Variants in GALNT9 observed in about 807,000 individuals in gnomAD.
The protein encoded by GALNT9 is polypeptide N-acetylgalactosaminyltransferase 9, also known as GalNAc transferase 9.
A neutral mutation model predicts 63.1 loss-of-function variants in GALNT9; 47 were observed. The observed-to-expected ratio is 0.75, with a 90% CI of 0.59 to 0.95. The LOEUF is 0.95. GALNT9 is among the 40% of genes least tolerant of loss of function. The pLI is 0.00. For synonymous variants in GALNT9, 396 were observed against 365.7 expected, an observed-to-expected ratio of 1.08 and a Z score of -0.94; for missense variants, 829 against 874.8, an observed-to-expected ratio of 0.95 and a Z score of 0.66.
chr12:132,303,078 T>C (rs1002808090), intron 1 of GALNT9, among the ~76,000 whole-genome samples: 179 of 60,730 alleles, frequency 2.9e-3, no homozygotes, highest in African/African-American at 0.01. Flanking sequence ...CCTCTGTCTG[T>C]CTCTCTCTCG....
intron 1 of GALNT9, among the ~76,000 whole-genome samples, chr12:132,318,742 G>A (rs1344730585): frequency 6.6e-6 from 1 of 152,220 alleles, no homozygotes; most frequent in Non-Finnish European, 1.5e-5. Context: ...TCGTCTGCCT[G>A]GCAATCCCAG....
chr12:132,224,986 T>C (rs1390964624), intron 6 of GALNT9, among the ~76,000 whole-genome samples: 1 of 113,258 alleles, frequency 8.8e-6, no homozygotes, highest in African/African-American at 3.5e-5. Flanking sequence ...ATACACCCCA[T>C]ATACACACCC....
chr12:132,264,872 G>A (rs1209286354), intron 2 of GALNT9, among the ~76,000 whole-genome samples: 1 of 152,146 alleles, frequency 6.6e-6, no homozygotes, highest in African/African-American at 2.4e-5. Flanking sequence ...GCAGCGCCAG[G>A]GTCCGATCCA....
intron 1 of GALNT9, among the ~76,000 whole-genome samples, chr12:132,297,370 T>C (rs1363795463): frequency 6.6e-6 from 1 of 150,856 alleles, no homozygotes; most frequent in African/African-American, 2.4e-5. Flanking sequence ...ACTCCCGAGA[T>C]AACCAACTCA....
intron 1 of GALNT9, among the ~76,000 whole-genome samples, chr12:132,301,003 C>T (rs566294801): frequency 1.3e-5 from 2 of 152,390 alleles, no homozygotes; most frequent in South Asian, 2.1e-4. Context: ...CAGCACTGAC[C>T]GTTCCTCGTG....
At chr12:132,247,786 C>CTGCA in intron 6 of GALNT9, 124 bp downstream of exon 6, 1 of 1,281,160 alleles carries the variant, frequency 7.8e-7, no homozygotes, top group Non-Finnish European at 1.1e-6. Flanking sequence ...TCCCCGGACG[C>CTGCA]TGCAGCCACA....
chr12:132,281,200 C>T (rs1221995245), intron 2 of GALNT9, among the ~76,000 whole-genome samples: 1 of 152,260 alleles, frequency 6.6e-6, no homozygotes, highest in Non-Finnish European at 1.5e-5. Context: ...GACCCAGCGT[C>T]CACCGGGGTC....
At chr12:132,222,068 C>T (rs897798798) in intron 6 of GALNT9, among the ~76,000 whole-genome samples, 2 of 152,152 alleles carry the variant, frequency 1.3e-5, no homozygotes, top group Non-Finnish European at 2.9e-5. Context: ...CTCTTCCGTT[C>T]GCGGCTGAGG....
chr12:132,204,280 C>T (rs1876475696), intron 6 of GALNT9, among the ~76,000 whole-genome samples: 1 of 152,344 alleles, frequency 6.6e-6, no homozygotes, highest in East Asian at 1.9e-4. Context: ...TCCACTTAAG[C>T]AATACCAGCC....
intron 1 of GALNT9, among the ~76,000 whole-genome samples, chr12:132,317,109 C>T (rs2135588492): frequency 6.6e-6 from 1 of 151,714 alleles, no homozygotes; most frequent in African/African-American, 2.4e-5. Flanking sequence ...AGAGCACAGC[C>T]TGCACCCTAC....
At chr12:132,299,178 G>A (rs1309316403) in intron 1 of GALNT9, among the ~76,000 whole-genome samples, 2 of 133,220 alleles carry the variant, frequency 1.5e-5, no homozygotes, top group Non-Finnish European at 3.1e-5. Flanking sequence ...CCACCCCTGA[G>A]ATAACCAACC....
At chr12:132,251,181 A>G (rs61943920) in intron 5 of GALNT9, among the ~76,000 whole-genome samples, 146 of 152,334 alleles carry the variant, frequency 9.6e-4, no homozygotes, top group Middle Eastern at 3.4e-3. Flanking sequence ...CGAGAGCTTG[A>G]TTATTTACAT....
rs1347775738 is a variant in GALNT9, at chr12:132,196,728, C to T, written c.*379G>A. The T allele has an allele frequency of 1.6e-5, 16 of 1,017,078 alleles. No homozygotes were observed. Among genetic ancestry groups the T allele is most frequent in the Non-Finnish European group, 1.8e-5 (15 of 850,612 alleles). 63.0% of individuals were successfully genotyped at this position (1,017,078 alleles called of 1,614,324 possible). ...GCATGGGAGGCCTGCGGGTGGAAGA[C>T]ACCAGGGTGCAGCCTGGTGCATGGT... On this transcript the variant is annotated 3_prime_UTR_variant, in exon 11 of 11. Coordinates refer to ENST00000328957, the MANE Select transcript of GALNT9 (RefSeq NM_001122636.2).
chr12:132,196,462 CG>C lies in GALNT9; in HGVS notation c.*644del. The C allele has an allele frequency of 1.0e-6, 1 of 985,546 alleles. No individual in the cohort carries two copies. The highest frequency in any genetic ancestry group is 1.2e-6 in the Non-Finnish European group (1 of 830,018). 61.1% of individuals were successfully genotyped at this position (985,546 alleles called of 1,614,324 possible). A position where few individuals can be genotyped will look rare whatever the true frequency, so the allele number is the denominator to read the frequency against. ...CAGGTGCCTGGGAAAGAGGTGGGACCGGGCCCCAACCCCCAGCTCGGCTCCC... is the reference window on the plus strand; with the variant it reads ...CAGGTGCCTGGGAAAGAGGTGGGACCGGCCCCAACCCCCAGCTCGGCTCCC... On this transcript the variant is annotated 3_prime_UTR_variant, in exon 11 of 11. Transcript: ENST00000328957.
intron 6 of GALNT9, among the ~76,000 whole-genome samples, chr12:132,211,359 C>A (rs534408509): frequency 1.3e-5 from 2 of 152,078 alleles, no homozygotes; most frequent in Non-Finnish European, 2.9e-5. Flanking sequence ...CCTATTTTGA[C>A]GAATAAAGGT....
In GALNT9 at chr12:132,257,736, G is replaced by T. The variant is rs1555239249; in HGVS notation, c.912C>A (p.Ile304=). ...CGCGGTCCAGCCAGTCCTGCGGGGG[G>T]ATGATGTACATGCACCAGAGGCCCC... ...YNWGLWCMYI[I]PPQDWLDRGD... is the part of the protein sequence containing the mutation. Residue 304 remains isoleucine (I), a synonymous_variant, in exon 5 of 11, where the codon ATC becomes ATA. Coordinates refer to ENST00000328957, the MANE Select transcript of GALNT9 (RefSeq NM_001122636.2). 4 of 1,550,392 alleles carry T rather than the reference G, an allele frequency of 2.6e-6. No individual in the cohort carries two copies. Among genetic ancestry groups the T allele is most frequent in the South Asian group, 1.2e-5 (1 of 84,056 alleles).
intron 1 of GALNT9, among the ~76,000 whole-genome samples, chr12:132,311,582 G>C (rs1049097327): frequency 1.9e-4 from 29 of 152,216 alleles, no homozygotes; most frequent in Non-Finnish European, 1.0e-4. Flanking sequence ...AAGAGACACT[G>C]TGAGCAAGTG....
chr12:132,203,439 G>A (rs1876349614), intron 7 of GALNT9, 66 bp downstream of exon 7: 1 of 1,529,224 alleles, frequency 6.5e-7, no homozygotes, highest in Non-Finnish European at 9.0e-7. Context: ...CTCCGGCCCA[G>A]CCCTGCCGTG....
Position 132,296,661 on chromosome 12 carries a change from G to C in GALNT9, c.239-10231C>G, listed in dbSNP as rs1294038190. On this transcript the variant is annotated intron_variant, in intron 1 of 10. Transcript: ENST00000328957. This position sits in a 1 kb window ranked among gnomAD's most constrained non-coding sequence, Gnocchi z 4.2. ...AGGTCACAGGCTGGTGGTGACAGCTGACCTGTCACACACCAACTTTCAGCA... is the reference window on the plus strand; with the variant it reads ...AGGTCACAGGCTGGTGGTGACAGCTCACCTGTCACACACCAACTTTCAGCA... Among the ~76,000 whole-genome samples, 1 of 152,178 alleles carries C rather than the reference G, an allele frequency of 6.6e-6. No individual in the cohort carries two copies. Among genetic ancestry groups the C allele is most frequent in the African/African-American group, 2.4e-5 (1 of 41,442 alleles).
Sources: gnomAD v4.1 joint callset for allele counts (sites outside exome capture counted in the v4.1 genomes callset) on GRCh38, gnomAD v4.1.1 for gene constraint, Gnocchi (gnomAD v3.1) non-coding constraint, MANE v1.5 for transcripts, NCBI Gene and HGNC (gene_info 2026-07-23, HGNC 2026-07-21) for gene names.